Variants in NUDC observed in about 807,000 individuals in gnomAD.
NUDC encodes nuclear migration protein nudC.
Under a neutral mutation model 45.0 loss-of-function variants are expected in NUDC, and 14 were observed. The ratio of observed to expected loss-of-function variants is 0.31; its 90% CI spans 0.21 to 0.49. NUDC has a LOEUF of 0.49. NUDC is among the 20% of genes least tolerant of loss of function. The pLI is 0.99. For synonymous variants in NUDC, 153 were observed against 156.7 expected, an observed-to-expected ratio of 0.98 and a Z score of 0.17; for missense variants, 323 against 426.2, an observed-to-expected ratio of 0.76 and a Z score of 2.13.
At chr1:26,923,522 G>A (rs1357373535) in intron 1 of NUDC, among the ~76,000 whole-genome samples, 2 of 152,086 alleles carry the variant, frequency 1.3e-5, no homozygotes, top group Non-Finnish European at 2.9e-5. Flanking sequence ...CCAGGCTGGA[G>A]TGCGGTGGCA....
chr1:26,946,108 C>T, intron 8 of NUDC, 22 bp from the exon 9 acceptor site: 2 of 1,609,842 alleles, frequency 1.2e-6, no homozygotes, highest in Non-Finnish European at 1.7e-6. Context: ...TGAGCTGTTT[C>T]ATCTTGCTTC....
intron 2 of NUDC, among the ~76,000 whole-genome samples, chr1:26,907,905 G>A (rs2082009197): frequency 6.6e-6 from 1 of 152,196 alleles, no homozygotes; most frequent in Non-Finnish European, 1.5e-5. Context: ...CAGGCCAGGT[G>A]CGGTGGCTCA....
chr1:26,901,653 C>T (rs909967394), intron 1 of NUDC, among the ~76,000 whole-genome samples: 15 of 152,114 alleles, frequency 9.9e-5, no homozygotes, highest in Non-Finnish European at 1.5e-4. Flanking sequence ...GATCCACCCG[C>T]CTTGGCCTCC....
At chr1:26,943,114 G>A in intron 6 of NUDC, 49 bp downstream of exon 6, 1 of 1,595,124 alleles carries the variant, frequency 6.3e-7, no homozygotes, top group South Asian at 1.1e-5. Context: ...GGAAGTAGAA[G>A]GGAGGATGTG....
In NUDC at chr1:26,946,685, C is replaced by T. The variant is rs182327642; in HGVS notation, c.*504C>T. ...TGGCCAACATGGAGAAACCCAGTCT[C>T]TACTAAAAATACAAAAATTAGCCGG... On this transcript the variant is annotated 3_prime_UTR_variant, in exon 9 of 9. Coordinates refer to ENST00000321265, the MANE Select transcript of NUDC (RefSeq NM_006600.4). 4 of 189,480 alleles carry T rather than the reference C, an allele frequency of 2.1e-5. No homozygotes were observed. Among genetic ancestry groups the T allele is most frequent in the Admixed American group, 5.3e-5 (1 of 18,812 alleles). 11.7% of individuals were successfully genotyped at this position (189,480 alleles called of 1,614,324 possible). A position where few individuals can be genotyped will look rare whatever the true frequency, so the allele number is the denominator to read the frequency against.
intron 2 of NUDC, among the ~76,000 whole-genome samples, chr1:26,928,978 C>A (rs1341126245): frequency 6.6e-6 from 1 of 152,154 alleles, no homozygotes; most frequent in Non-Finnish European, 1.5e-5. Flanking sequence ...TCACAGCAGC[C>A]TTATTCATAA....
rs759817886 is a variant in NUDC at position 26,913,840 on chromosome 1, C to T, written c.93+2605C>T. ...CCTACATAGGCAGCGGCTACGGGGT[C>T]GGGGGACAGCCTTGAGGCTGGAGCT... On this transcript the variant is annotated intron_variant, in intron 3 of 6. Transcript: ENST00000435827. 2.3e-5 allele frequency: 34 copies of T among 1,507,922 alleles called. No individual in the cohort carries two copies. In the Admixed American group the frequency reaches 4.7e-4, roughly 21 times the overall value. 93.4% of individuals were successfully genotyped at this position (1,507,922 alleles called of 1,614,324 possible).
chr1:26,933,899 A>G (rs563102738), intron 2 of NUDC, among the ~76,000 whole-genome samples: 1 of 152,304 alleles, frequency 6.6e-6, no homozygotes, highest in African/African-American at 2.4e-5. Context: ...TCACGCCTGT[A>G]ATCCCACCAC....
chr1:26,917,886 C>CAA (rs1391928118), upstream of NUDC, among the ~76,000 whole-genome samples: 1 of 107,136 alleles, frequency 9.3e-6, no homozygotes, highest in African/African-American at 3.5e-5. Flanking sequence ...GACTGCGTCT[C>CAA]AAAAAAAAAA....
Position 26,929,904 on chromosome 1 carries a change from AT to A in NUDC, c.159+5739del, listed in dbSNP as rs558579630. 1.1e-3 allele frequency among the ~76,000 whole-genome samples: 165 copies of A among 152,088 alleles called. 1 individual carries two copies. The highest frequency in any genetic ancestry group is 2.0e-3 in the Non-Finnish European group (139 of 67,976). ...CTGGGCATGGTGGTAGGCGCCTGTA[AT>A]CCCAGCTACTCGGGAGGCTGAGGCA... is the stretch of plus-strand genomic sequence containing the variant. On this transcript the variant is annotated intron_variant, in intron 2 of 8. Coordinates refer to ENST00000321265, the MANE Select transcript of NUDC (RefSeq NM_006600.4).
In NUDC at chr1:26,941,523, C is replaced by T. The variant is rs769394137; in HGVS notation, c.226C>T (p.Arg76Trp). 8.1e-6 allele frequency: 13 copies of T among 1,613,978 alleles called. No homozygotes were observed. The Admixed American group carries it at 1.0e-4, about 12-fold the overall frequency. ...AQKTRREKRA[R>W]QEAERREKAE... Reference sequence around the variant, plus strand: ...GAAGACCCGGCGGGAGAAGAGAGCCCGGCAGGAGGCCGAGCGGCGGGAGAA... The same window carrying T: ...GAAGACCCGGCGGGAGAAGAGAGCCTGGCAGGAGGCCGAGCGGCGGGAGAA... The change falls in exon 3 of 9, where the codon CGG becomes TGG. Residue 76 changes from arginine (R) to tryptophan (W), a missense_variant. By Grantham distance (101) the Arg-to-Trp change is moderately radical. Coordinates refer to ENST00000321265, the MANE Select transcript of NUDC (RefSeq NM_006600.4).
intron 8 of NUDC, among the ~76,000 whole-genome samples, chr1:26,945,921 C>A (rs557875247): frequency 1.4e-4 from 22 of 152,250 alleles, no homozygotes; most frequent in African/African-American, 5.1e-4. Flanking sequence ...CGGTCATTGC[C>A]ACCTACAGGA....
intron 2 of NUDC, among the ~76,000 whole-genome samples, chr1:26,940,162 C>T (rs992273246): frequency 2.6e-5 from 4 of 152,032 alleles, no homozygotes; most frequent in South Asian, 2.1e-4. Flanking sequence ...TTTGACCTGG[C>T]GCGGTAGCTC....
intron 2 of NUDC, among the ~76,000 whole-genome samples, chr1:26,926,171 A>G (rs1231037725): frequency 6.6e-6 from 1 of 152,016 alleles, no homozygotes; most frequent in Non-Finnish European, 1.5e-5. Flanking sequence ...GTGAGCCACC[A>G]CGCCCGGCGC....
At chr1:26,900,728 A>T (rs1487493291) in intron 1 of NUDC, among the ~76,000 whole-genome samples, 1 of 152,162 alleles carries the variant, frequency 6.6e-6, no homozygotes, top group African/African-American at 2.4e-5. Context: ...TGAGGTATTT[A>T]GTTGTGGATA....
intron 2 of NUDC, among the ~76,000 whole-genome samples, chr1:26,927,115 G>A (rs1182949469): frequency 6.6e-6 from 1 of 152,176 alleles, no homozygotes; most frequent in African/African-American, 2.4e-5. Context: ...TGGGGGCTCA[G>A]AGAAGACTTT....
At position 26,946,054 on chromosome 1, in the gene NUDC, G is replaced by T. The variant is rs2082315250; in HGVS notation, c.945-76G>T. 5 of 1,429,120 alleles carry T rather than the reference G, an allele frequency of 3.5e-6. No homozygotes were observed. The East Asian group carries it at 6.8e-5, about 19-fold the overall frequency. 88.5% of individuals were successfully genotyped at this position (1,429,120 alleles called of 1,614,324 possible). A position where few individuals can be genotyped will look rare whatever the true frequency, so the allele number is the denominator to read the frequency against. ...GCTGAGGTCTAAAGAGATTAGACTT[G>T]ACACGGGGGTGCTGGGAGAAGGGAC... On this transcript the variant is annotated intron_variant, in intron 8 of 8. Coordinates refer to ENST00000321265, the MANE Select transcript of NUDC (RefSeq NM_006600.4).
At chr1:26,926,957 T>C (rs1371316854) in intron 2 of NUDC, among the ~76,000 whole-genome samples, 2 of 152,200 alleles carry the variant, frequency 1.3e-5, no homozygotes, top group African/African-American at 2.4e-5. Context: ...TTAGGTGCTA[T>C]ATCAAACCTT....
chr1:26,911,032 C>G (rs1483643032), intron 2 of NUDC: 1 of 435,682 alleles, frequency 2.3e-6, no homozygotes, highest in Non-Finnish European at 4.7e-6. Flanking sequence ...AAACCTTGGT[C>G]TGCCTTGGCC....
Sources: allele counts gnomAD v4.1 joint callset (sites outside exome capture counted in the v4.1 genomes callset), GRCh38; gene constraint gnomAD v4.1.1; transcripts MANE v1.5; gene names NCBI Gene and HGNC (gene_info 2026-07-23, HGNC 2026-07-21).